Variants in NLGN1 observed in about 807,000 individuals in gnomAD.
NLGN1 encodes neuroligin 1.
Under a neutral mutation model 65.5 loss-of-function variants are expected in NLGN1, and 12 were observed. The observed-to-expected ratio is 0.18, with a 90% confidence interval of 0.12 to 0.30. The LOEUF is 0.30. NLGN1 is among the 10% of genes least tolerant of loss of function. NLGN1 has a pLI of 1.00. For missense variants in NLGN1, 750 were observed against 1,007.1 expected (o/e 0.74, Z 3.46); for synonymous variants, 350 against 359.5 (o/e 0.97, Z 0.30).
At chr3:173,925,192 G>A (rs73037252) in intron 4 of NLGN1, among the ~76,000 whole-genome samples, 12,918 of 152,072 alleles carry the variant, frequency 0.085, 1,344 homozygotes, top group African/African-American at 0.25. Flanking sequence ...GTAGATGTTA[G>A]TAATGTTATC....
At chr3:174,116,374 A>G (rs1167433015) in intron 4 of NLGN1, among the ~76,000 whole-genome samples, 1 of 115,120 alleles carries the variant, frequency 8.7e-6, no homozygotes, top group Non-Finnish European at 1.6e-5. Flanking sequence ...GTCTCGCTCT[A>G]TAGCCCAGGC....
chr3:173,407,851 G>T (rs1711593841), intron 1 of NLGN1, among the ~76,000 whole-genome samples: 1 of 152,182 alleles, frequency 6.6e-6, no homozygotes, highest in African/African-American at 2.4e-5. Flanking sequence ...GGCCTCTGCA[G>T]ATTAGAAATA....
chr3:174,076,577 T>A (rs556981371), intron 4 of NLGN1, among the ~76,000 whole-genome samples: 1 of 152,142 alleles, frequency 6.6e-6, no homozygotes, highest in Admixed American at 6.6e-5. Flanking sequence ...CCTAATAAAT[T>A]CCTATACATC....
rs143745584 is a variant in NLGN1 at position 174,000,733 on chromosome 3, T to C, written c.646+192901T>C. 9.0e-4 allele frequency among the ~76,000 whole-genome samples: 137 copies of C among 152,270 alleles called. 1 individual carries two copies. The East Asian group carries it at 0.023, about 26-fold the overall frequency. On this transcript the variant is annotated intron_variant, in intron 4 of 6. Transcript: ENST00000457714. ...CTGGAGGATGGTAAAGATGAATTCA[T>C]GAGGTTAGTTGAACTTAAGTAATGG...
chr3:173,932,700 A>T (rs929063225), intron 4 of NLGN1, among the ~76,000 whole-genome samples: 1 of 152,088 alleles, frequency 6.6e-6, no homozygotes, highest in Admixed American at 6.6e-5. Context: ...GCTAATCTTG[A>T]TGAGAGTGAT....
intron 4 of NLGN1, among the ~76,000 whole-genome samples, chr3:173,887,340 T>C (rs76207375): frequency 0.016 from 2,381 of 152,120 alleles, 60 homozygotes; most frequent in African/African-American, 0.051. Flanking sequence ...TTTTCTTTTT[T>C]GACTTCTTTC....
intron 3 of NLGN1, among the ~76,000 whole-genome samples, chr3:173,613,879 A>AT (rs1339446693): frequency 1.3e-5 from 2 of 152,166 alleles, no homozygotes; most frequent in African/African-American, 2.4e-5. Context: ...CATAATTATC[A>AT]TTTTTAAAAG....
At chr3:173,991,463 A>T (rs1047244942) in intron 4 of NLGN1, among the ~76,000 whole-genome samples, 1 of 152,160 alleles carries the variant, frequency 6.6e-6, no homozygotes, top group Non-Finnish European at 1.5e-5. Context: ...ATTTTCTGTG[A>T]TGAAAGAAAT....
chr3:174,016,367 C>T (rs1280565949), intron 4 of NLGN1, among the ~76,000 whole-genome samples: 1 of 152,186 alleles, frequency 6.6e-6, no homozygotes, highest in Non-Finnish European at 1.5e-5. Flanking sequence ...CTCAGACTGT[C>T]TTATGACTAG....
rs77580421 is a variant in NLGN1 at position 173,953,431 on chromosome 3, G to T, written c.646+145599G>T. ...CTGAGTTAAGCTCTGTTCAATTTTA[G>T]AGCTGCTTGTTATCCAACTGGGCAC... On this transcript the variant is annotated intron_variant, in intron 4 of 6. Coordinates refer to ENST00000457714, the Ensembl canonical transcript of NLGN1. Among the ~76,000 whole-genome samples, 1,147 of 152,296 alleles carry T rather than the reference G, an allele frequency of 7.5e-3. 3 individuals carry two copies. The highest frequency in any genetic ancestry group is 0.011 in the Non-Finnish European group (722 of 68,030).
intron 2 of NLGN1, among the ~76,000 whole-genome samples, chr3:173,561,102 C>G (rs1317582548): frequency 6.6e-6 from 1 of 152,158 alleles, no homozygotes; most frequent in Non-Finnish European, 1.5e-5. Flanking sequence ...CCAGAACTAA[C>G]AAGTAATTTC....
intron 4 of NLGN1, among the ~76,000 whole-genome samples, chr3:173,934,909 T>C (rs1466844780): frequency 2.0e-5 from 3 of 152,064 alleles, no homozygotes; most frequent in Non-Finnish European, 4.4e-5. Context: ...AATTTCTTAA[T>C]AAAAGAGTCT....
At chr3:173,480,631 A>G (rs548327662) in intron 2 of NLGN1, among the ~76,000 whole-genome samples, 58 of 152,258 alleles carry the variant, frequency 3.8e-4, no homozygotes, top group African/African-American at 1.3e-3. Context: ...TTAAATTGGT[A>G]GTAAATGTAG....
intron 4 of NLGN1, among the ~76,000 whole-genome samples, chr3:173,912,050 G>T (rs1419154459): frequency 1.3e-5 from 2 of 152,128 alleles, no homozygotes; most frequent in African/African-American, 4.8e-5. Flanking sequence ...AAATCTGGTT[G>T]TATGAAATAT....
At chr3:174,134,895 A>C (rs924536480) in intron 4 of NLGN1, among the ~76,000 whole-genome samples, 1 of 152,198 alleles carries the variant, frequency 6.6e-6, no homozygotes, top group African/African-American at 2.4e-5. Context: ...ATATGCAAGA[A>C]AGATTAAGGC....
downstream of NLGN1, among the ~76,000 whole-genome samples, chr3:174,290,498 A>G (rs1752644829): frequency 6.6e-6 from 1 of 151,122 alleles, no homozygotes; most frequent in South Asian, 2.1e-4. Context: ...AAACATTGTC[A>G]TGTCCTCGAA....
chr3:173,665,738 C>T (rs1761609602), intron 3 of NLGN1, among the ~76,000 whole-genome samples: 1 of 151,896 alleles, frequency 6.6e-6, no homozygotes, highest in African/African-American at 2.4e-5. Flanking sequence ...TAAATTTTAC[C>T]TATGTGGTTT....
At chr3:173,676,907 C>T (rs750724466) in intron 3 of NLGN1, among the ~76,000 whole-genome samples, 14 of 151,970 alleles carry the variant, frequency 9.2e-5, no homozygotes, top group Admixed American at 2.0e-4. Context: ...CTTTTACTCC[C>T]GGCCCTGATG....
At chr3:173,567,499 A>G (rs1175267744) in intron 2 of NLGN1, among the ~76,000 whole-genome samples, 1 of 151,940 alleles carries the variant, frequency 6.6e-6, no homozygotes, top group Non-Finnish European at 1.5e-5. Flanking sequence ...ATGTGCTTCA[A>G]ATTTCTGGAA....
Sources: gnomAD v4.1 joint callset for allele counts (sites outside exome capture counted in the v4.1 genomes callset) on GRCh38, gnomAD v4.1.1 for gene constraint, MANE v1.5 for transcripts, NCBI Gene and HGNC (gene_info 2026-07-23, HGNC 2026-07-21) for gene names.